AFF1: variants seen among roughly 807,000 people sequenced by gnomAD.
AFF1 encodes the protein AF4/FMR2 family member 1.
AFF1 carries 48 observed loss-of-function variants against 121.7 expected under a neutral mutation model. The observed-to-expected ratio is 0.39, with a 90% CI of 0.31 to 0.50. The LOEUF (loss-of-function observed/expected upper bound fraction) is 0.50. Among genes scored for constraint, AFF1 ranks in the 20% least tolerant of loss-of-function variants. The pLI is 0.76. For synonymous variants in AFF1, 613 were observed against 563.0 expected (o/e 1.09, Z -1.26); for missense variants, 1,523 against 1,511.7 (o/e 1.01, Z -0.12).
At position 86,977,549 on chromosome 4, in the gene AFF1, C is replaced by G. The variant is rs200590090; in HGVS notation, c.38+28978C>G. On this transcript the variant is annotated intron_variant, in intron 2 of 20. Coordinates refer to ENST00000395146, the MANE Select transcript of AFF1 (RefSeq NM_001166693.3). ...TGGAATTGCATTTCTGTGGATTCTC[C>G]AACCTCACCTTTTTCCCTCACCCCC... is the stretch of plus-strand genomic sequence containing the variant. Among the ~76,000 whole-genome samples the G allele has an allele frequency of 5.3e-5, 8 of 152,212 alleles. No individual in the cohort carries two copies. In the East Asian group the frequency reaches 1.5e-3, roughly 29 times the overall value.
At chr4:87,065,555 A>T (rs943368606) in intron 4 of AFF1, among the ~76,000 whole-genome samples, 3 of 152,100 alleles carry the variant, frequency 2.0e-5, no homozygotes, top group Admixed American at 6.5e-5. Context: ...CTAAAAAAAT[A>T]GTACAAGTAG....
At chr4:86,991,953 A>G (rs1724765689) in intron 2 of AFF1, among the ~76,000 whole-genome samples, 1 of 151,688 alleles carries the variant, frequency 6.6e-6, no homozygotes, top group African/African-American at 2.4e-5. Flanking sequence ...CAAACCAACC[A>G]TGATAATACA....
At chr4:87,100,109 C>A (rs1258091581) in intron 8 of AFF1, among the ~76,000 whole-genome samples, 1 of 152,080 alleles carries the variant, frequency 6.6e-6, no homozygotes, top group African/African-American at 2.4e-5. Context: ...ATCATAACTG[C>A]TAATTTACTA....
chr4:87,108,790 C>T (rs376876024), intron 11 of AFF1, among the ~76,000 whole-genome samples: 4 of 152,260 alleles, frequency 2.6e-5, no homozygotes, highest in South Asian at 2.1e-4. Flanking sequence ...GTTCTATTTT[C>T]GAATCACTAA....
chr4:86,949,840 C>T (rs1480417032), intron 2 of AFF1: 14 of 1,614,044 alleles, frequency 8.7e-6, no homozygotes, highest in Non-Finnish European at 1.2e-5. Context: ...AGGACCCCAC[C>T]TCGTAGGTGT....
At chr4:87,055,236 A>AGT (rs1719993052) in intron 4 of AFF1, among the ~76,000 whole-genome samples, 1 of 152,236 alleles carries the variant, frequency 6.6e-6, no homozygotes, top group Non-Finnish European at 1.5e-5. Flanking sequence ...TCTGAAGGAA[A>AGT]CTTTTTAAGT....
At chr4:87,091,500 A>C (rs1724307921) in intron 6 of AFF1, among the ~76,000 whole-genome samples, 1 of 152,272 alleles carries the variant, frequency 6.6e-6, no homozygotes, top group Non-Finnish European at 1.5e-5. Flanking sequence ...GCAACAACAA[A>C]GGAAAAATAA....
chr4:86,964,987 C>T (rs1427687186), intron 2 of AFF1, among the ~76,000 whole-genome samples: 2 of 152,068 alleles, frequency 1.3e-5, no homozygotes, highest in Non-Finnish European at 2.9e-5. Flanking sequence ...TTGAGTTTGC[C>T]GCTATTGGAG....
Position 87,135,699 on chromosome 4 carries a change from TAATGGAGCCCCAGGTTGATTC to T in AFF1, c.*3_*23del, listed in dbSNP as rs1226247009. Reference sequence around the variant, plus strand: ...GCTACAAGAATTAACCAAAACACCTTAATGGAGCCCCAGGTTGATTCAATGCCTTGGGAACTATTTTTGCAC... The same window carrying T: ...GCTACAAGAATTAACCAAAACACCTTAATGCCTTGGGAACTATTTTTGCAC... On this transcript the variant is annotated stop_retained_variant and 3_prime_UTR_variant, in exon 21 of 21. Transcript: ENST00000395146. 4 of 1,611,084 alleles carry T rather than the reference TAATGGAGCCCCAGGTTGATTC, an allele frequency of 2.5e-6. No individual in the cohort carries two copies. Among genetic ancestry groups the T allele is most frequent in the Non-Finnish European group, 3.4e-6 (4 of 1,178,746 alleles).
At chr4:87,075,403 T>C (rs1459173567) in intron 4 of AFF1, among the ~76,000 whole-genome samples, 4 of 152,054 alleles carry the variant, frequency 2.6e-5, no homozygotes, top group Non-Finnish European at 5.9e-5. Flanking sequence ...GTTATATATA[T>C]ATCTCCTATC....
At chr4:87,127,440 G>A (rs923978315) in intron 15 of AFF1, among the ~76,000 whole-genome samples, 2 of 152,132 alleles carry the variant, frequency 1.3e-5, no homozygotes, top group Non-Finnish European at 2.9e-5. Context: ...TGGGATTACA[G>A]GCGTGAGCCA....
intron 2 of AFF1, among the ~76,000 whole-genome samples, chr4:86,980,168 C>T (rs983631798): frequency 6.6e-6 from 1 of 152,142 alleles, no homozygotes; most frequent in African/African-American, 2.4e-5. Context: ...GCCTCTGCCT[C>T]CTAAAGTGCT....
rs928223428 is a variant in AFF1, at chr4:86,982,808, A to G, written c.38+34237A>G. Among the ~76,000 whole-genome samples, 9 of 131,210 alleles carry G rather than the reference A, an allele frequency of 6.9e-5. No individual in the cohort carries two copies. In the East Asian group the frequency reaches 1.3e-3, roughly 18 times the overall value. 86.1% of individuals were successfully genotyped at this position (131,210 alleles called of 152,430 possible). A position where few individuals can be genotyped will look rare whatever the true frequency, so the allele number is the denominator to read the frequency against. ...GGTTGTGGTGAGCCGAGATCGTGCCACTGCACTCCAGTCTGGGCGACAGAG... is the reference window on the plus strand; with the variant it reads ...GGTTGTGGTGAGCCGAGATCGTGCCGCTGCACTCCAGTCTGGGCGACAGAG... On this transcript the variant is annotated intron_variant, in intron 2 of 20. Transcript: ENST00000395146.
intron 2 of AFF1, among the ~76,000 whole-genome samples, chr4:87,012,207 C>A (rs544879488): frequency 4.7e-5 from 6 of 126,594 alleles, no homozygotes; most frequent in Admixed American, 9.0e-5. Context: ...CAAACTTCTC[C>A]ATTTCATTTC....
chr4:87,099,457 T>A (rs1725198375), intron 8 of AFF1, among the ~76,000 whole-genome samples: 1 of 152,250 alleles, frequency 6.6e-6, no homozygotes. Flanking sequence ...TCACCCAGGC[T>A]GGAGTGCAGT....
intron 2 of AFF1, among the ~76,000 whole-genome samples, chr4:87,013,566 C>T (rs923767976): frequency 3.9e-5 from 6 of 151,910 alleles, no homozygotes; most frequent in Admixed American, 2.0e-4. Flanking sequence ...GTTTTTCCTC[C>T]GTGGTGGCTC....
chr4:87,017,099 GTGT>G (rs1240082229), intron 2 of AFF1, among the ~76,000 whole-genome samples: 29 of 95,472 alleles, frequency 3.0e-4, no homozygotes, highest in Non-Finnish European at 4.7e-4. Context: ...GTATATATAT[GTGT>G]TTTTTTTTTT....
chr4:87,058,665 A>G (rs969789708), intron 4 of AFF1, among the ~76,000 whole-genome samples: 1 of 152,174 alleles, frequency 6.6e-6, no homozygotes, highest in Non-Finnish European at 1.5e-5. Context: ...CTATAGTTAC[A>G]TTTAGGCCTT....
chr4:87,073,940 C>G (rs1051394706), intron 4 of AFF1, among the ~76,000 whole-genome samples: 1 of 151,996 alleles, frequency 6.6e-6, no homozygotes, highest in Non-Finnish European at 1.5e-5. Context: ...TCCGTTAATA[C>G]GATTTGAGAG....
Sources: gnomAD v4.1 joint callset for allele counts (sites outside exome capture counted in the v4.1 genomes callset) on GRCh38, gnomAD v4.1.1 for gene constraint, MANE v1.5 for transcripts, NCBI Gene and HGNC (gene_info 2026-07-23, HGNC 2026-07-21) for gene names.